Variants in AUTS2 observed in about 807,000 individuals in gnomAD.
The protein encoded by AUTS2 is activator of transcription and developmental regulator AUTS2.
Under a neutral mutation model 112.4 loss-of-function variants are expected in AUTS2, and 17 were observed. That is an observed-to-expected ratio of 0.15 (90% CI 0.10 to 0.23). AUTS2 has a LOEUF of 0.23. Ranked by LOEUF, AUTS2 falls within the 10% of genes least tolerant of loss-of-function variation. The pLI is 1.00. For synonymous variants in AUTS2, 751 were observed against 702.7 expected (o/e 1.07, Z -1.09); for missense variants, 1,510 against 1,701.6 (o/e 0.89, Z 1.98).
intron 4 of AUTS2, among the ~76,000 whole-genome samples, chr7:70,375,274 A>G (rs1793033761): frequency 6.6e-6 from 1 of 152,178 alleles, no homozygotes; most frequent in Non-Finnish European, 1.5e-5. Flanking sequence ...TAGAAGCCCC[A>G]TTGACTTTGC....
At chr7:69,629,654 G>A (rs932903654) in intron 1 of AUTS2, among the ~76,000 whole-genome samples, 10 of 152,164 alleles carry the variant, frequency 6.6e-5, no homozygotes, top group Non-Finnish European at 1.3e-4. Flanking sequence ...AATGGATCCA[G>A]TAAAGAGTTT....
chr7:69,691,319 G>GA (rs1797333489), intron 1 of AUTS2, among the ~76,000 whole-genome samples: 1 of 151,988 alleles, frequency 6.6e-6, no homozygotes, highest in Non-Finnish European at 1.5e-5. Context: ...TTCCGCCCAG[G>GA]AACCTGTCTG....
chr7:69,874,755 TTCAAGAGATTC>T (rs1407181350), intron 1 of AUTS2, among the ~76,000 whole-genome samples: 1 of 152,130 alleles, frequency 6.6e-6, no homozygotes, highest in Non-Finnish European at 1.5e-5. Flanking sequence ...GCCTCCCTGG[TTCAAGAGATTC>T]TCATGCCTCA....
At chr7:69,914,973 T>C (rs148381256) in intron 2 of AUTS2, among the ~76,000 whole-genome samples, 89 of 152,326 alleles carry the variant, frequency 5.8e-4, no homozygotes, top group African/African-American at 2.1e-3. Flanking sequence ...GAACATCGTT[T>C]GTGTGCAAAC....
chr7:69,914,498 A>AT (rs1795493997), intron 2 of AUTS2, among the ~76,000 whole-genome samples: 1 of 151,656 alleles, frequency 6.6e-6, no homozygotes, highest in Admixed American at 6.6e-5. Flanking sequence ...CCAAGCAAAA[A>AT]TTTATCCCAA....
At chr7:70,103,920 A>AT (rs1804630192) in intron 2 of AUTS2, among the ~76,000 whole-genome samples, 1 of 151,978 alleles carries the variant, frequency 6.6e-6, no homozygotes, top group Non-Finnish European at 1.5e-5. Context: ...AAAAAAAAAA[A>AT]ATAAATGAAA....
At chr7:70,788,425 CT>C (rs1423169062) in intron 18 of AUTS2, among the ~76,000 whole-genome samples, 1 of 152,166 alleles carries the variant, frequency 6.6e-6, no homozygotes, top group Non-Finnish European at 1.5e-5. Context: ...ACAAATTTTC[CT>C]TCAAGGCAGT....
At chr7:70,570,684 C>A (rs1260831372) in intron 5 of AUTS2, among the ~76,000 whole-genome samples, 1 of 152,142 alleles carries the variant, frequency 6.6e-6, no homozygotes, top group African/African-American at 2.4e-5. Context: ...AGCTGGGGTT[C>A]CCATTCTTTT....
At chr7:70,491,592 TGTG>T (rs1798246693) in intron 5 of AUTS2, among the ~76,000 whole-genome samples, 2 of 65,766 alleles carry the variant, frequency 3.0e-5, no homozygotes, top group East Asian at 3.1e-4. Context: ...ATATATATTG[TGTG>T]TGTGTGTGTG....
At chr7:70,122,657 T>C (rs1805744176) in intron 3 of AUTS2, among the ~76,000 whole-genome samples, 1 of 152,146 alleles carries the variant, frequency 6.6e-6, no homozygotes, top group South Asian at 2.1e-4. Context: ...TTTGTGGGCA[T>C]ATAGTAGGCG....
intron 5 of AUTS2, chr7:70,437,222 A>G (rs1037257367): frequency 6.6e-6 from 1 of 152,252 alleles, no homozygotes; most frequent in Non-Finnish European, 1.5e-5. Context: ...ACTGACAAGT[A>G]GGAGCTGCCT....
At chr7:69,882,150 C>CAAAAAAA (rs57238970) in intron 1 of AUTS2, among the ~76,000 whole-genome samples, 2 of 57,134 alleles carry the variant, frequency 3.5e-5, no homozygotes, top group Non-Finnish European at 3.3e-5. Flanking sequence ...AACTCTGTCT[C>CAAAAAAA]AAAAAAAAAA....
At chr7:70,534,536 C>T (rs1316065928) in intron 5 of AUTS2, among the ~76,000 whole-genome samples, 4 of 152,172 alleles carry the variant, frequency 2.6e-5, no homozygotes, top group Non-Finnish European at 5.9e-5. Context: ...AAGCGATTCT[C>T]CTGCCTCAGC....
chr7:70,528,393 C>T (rs2129496990), intron 5 of AUTS2, among the ~76,000 whole-genome samples: 1 of 152,154 alleles, frequency 6.6e-6, no homozygotes, highest in East Asian at 1.9e-4. Flanking sequence ...CTGACTCTGA[C>T]TTCAGAGGTG....
chr7:70,345,213 G>T (rs537118603), intron 4 of AUTS2, among the ~76,000 whole-genome samples: 2 of 152,168 alleles, frequency 1.3e-5, no homozygotes, highest in African/African-American at 4.8e-5. Context: ...CTCAAGATTG[G>T]GTGACTACTG....
At chr7:69,954,457 T>G (rs1165418971) in intron 2 of AUTS2, among the ~76,000 whole-genome samples, 3 of 152,096 alleles carry the variant, frequency 2.0e-5, no homozygotes, top group African/African-American at 7.2e-5. Context: ...TAATTTTTAT[T>G]TTTAGAGATG....
chr7:69,846,573 C>T (rs1323444767), intron 1 of AUTS2, among the ~76,000 whole-genome samples: 2 of 152,140 alleles, frequency 1.3e-5, no homozygotes, highest in East Asian at 1.9e-4. Flanking sequence ...CCCACAGCAA[C>T]TTTCTTCCCC....
intron 4 of AUTS2, among the ~76,000 whole-genome samples, chr7:70,210,945 G>T (rs150060189): frequency 5.3e-5 from 8 of 152,162 alleles, no homozygotes; most frequent in African/African-American, 1.9e-4. Context: ...CGGGAAGCTA[G>T]AGCATTGCTC....
chr7:70,290,832 T>G (rs1445487153), intron 4 of AUTS2: 1 of 215,244 alleles, frequency 4.6e-6, no homozygotes, highest in Non-Finnish European at 8.6e-6. Context: ...GTGTATATGT[T>G]CAATGTATGG....
Sources: allele counts gnomAD v4.1 joint callset (sites outside exome capture counted in the v4.1 genomes callset), GRCh38; gene constraint gnomAD v4.1.1; transcripts MANE v1.5; gene names NCBI Gene and HGNC (gene_info 2026-07-23, HGNC 2026-07-21).